Variants in CPZ observed in about 807,000 individuals in gnomAD.
CPZ encodes carboxypeptidase Z.
A neutral mutation model predicts 61.8 loss-of-function variants in CPZ; 103 were observed. The observed-to-expected ratio is 1.67, with a 90% CI of 1.42 to 1.96. The LOEUF (loss-of-function observed/expected upper bound fraction) is 1.96. CPZ is among the 30% of genes most tolerant of loss of function. The pLI is 0.00. For missense variants in CPZ, 1,461 were observed against 914.9 expected (o/e 1.60, Z -7.70); for synonymous variants, 551 against 373.7 (o/e 1.47, Z -5.47).
At chr4:8,612,211 GC>G in intron 8 of CPZ, 49 bp downstream of exon 8, 1 of 215,364 alleles carries the variant, frequency 4.6e-6, no homozygotes, top group Non-Finnish European at 8.4e-6. Context: ...GGGTGCAGGG[GC>G]TGGGTGGGGC....
chr4:8,595,277 T>G (rs906731224), intron 1 of CPZ, among the ~76,000 whole-genome samples: 1 of 152,228 alleles, frequency 6.6e-6, no homozygotes, highest in African/African-American at 2.4e-5. Context: ...CTGGAGACCA[T>G]GGCTTGAGAG....
chr4:8,610,890 C>G (rs936401010), intron 7 of CPZ, among the ~76,000 whole-genome samples: 7 of 152,158 alleles, frequency 4.6e-5, no homozygotes, highest in African/African-American at 1.7e-4. Flanking sequence ...CATTCCTCAC[C>G]AACCCCAAAC....
At chr4:8,602,489 T>C (rs1403749657) in intron 3 of CPZ, 1 of 152,266 alleles carries the variant, frequency 6.6e-6, no homozygotes. Context: ...CACATTCAAC[T>C]GTGCAGGGCA....
intron 9 of CPZ, among the ~76,000 whole-genome samples, chr4:8,617,173 G>A (rs568954739): frequency 1.1e-4 from 16 of 152,364 alleles, no homozygotes; most frequent in Non-Finnish European, 1.8e-4. Flanking sequence ...CGGTCACGGC[G>A]GGGGTCAGCC....
At chr4:8,611,335 G>A (rs1277320737) in intron 7 of CPZ, 1 of 449,806 alleles carries the variant, frequency 2.2e-6, no homozygotes, top group East Asian at 7.1e-5. Flanking sequence ...TCTGCCTGGG[G>A]GATGGGCACA....
chr4:8,601,591 A>G lies in CPZ; in HGVS notation c.496+94A>G, dbSNP rs1392062911. 5.4e-6 allele frequency: 7 copies of G among 1,290,530 alleles called. No individual in the cohort carries two copies. In the East Asian group the frequency reaches 1.1e-4, roughly 20 times the overall value. The allele number at this position is 1,290,530 out of a possible 1,614,324, so 79.9% of individuals were successfully genotyped here. ...CTGGAAGGAACTTGAGGGCTTTTCC[A>G]TCGACAGTGACGGTGCAGGCATTGG... On this transcript the variant is annotated intron_variant, in intron 3 of 10. Coordinates refer to ENST00000360986, the MANE Select transcript of CPZ (RefSeq NM_001014447.3).
chr4:8,593,546 G>T (rs1482876415), intron 1 of CPZ, among the ~76,000 whole-genome samples: 1 of 152,208 alleles, frequency 6.6e-6, no homozygotes, highest in Non-Finnish European at 1.5e-5. Flanking sequence ...CTGGGGGCTG[G>T]ATCCTGGGCT....
At chr4:8,618,072 A>AG (rs1716347362) in intron 9 of CPZ, 1 of 300,870 alleles carries the variant, frequency 3.3e-6, no homozygotes, top group Admixed American at 4.8e-5. Context: ...GGACCCAGGG[A>AG]GTCCCGCTGG....
At chr4:8,598,298 C>A (rs1016235089) in intron 1 of CPZ, among the ~76,000 whole-genome samples, 17 of 152,226 alleles carry the variant, frequency 1.1e-4, no homozygotes, top group Non-Finnish European at 1.8e-4. Flanking sequence ...GTGGGAGCTG[C>A]CTGGCCACAG....
intron 7 of CPZ, among the ~76,000 whole-genome samples, chr4:8,608,999 C>G (rs1393344333): frequency 9.9e-6 from 1 of 100,566 alleles, no homozygotes; most frequent in Non-Finnish European, 2.0e-5. Flanking sequence ...TTCACTCTTT[C>G]ACTTGTTCAT....
At chr4:8,617,582 C>A (rs887662854) in intron 9 of CPZ, among the ~76,000 whole-genome samples, 3 of 152,228 alleles carry the variant, frequency 2.0e-5, no homozygotes, top group African/African-American at 4.8e-5. Flanking sequence ...GGAGCAAGAT[C>A]ATTTTCATAG....
intron 9 of CPZ, among the ~76,000 whole-genome samples, chr4:8,614,700 C>G (rs1181020257): frequency 6.6e-6 from 1 of 152,154 alleles, no homozygotes; most frequent in African/African-American, 2.4e-5. Context: ...TCTGTGGGTG[C>G]TGGGGTGGCG....
At chr4:8,615,440 T>C (rs962183481) in intron 9 of CPZ, among the ~76,000 whole-genome samples, 2 of 152,124 alleles carry the variant, frequency 1.3e-5, no homozygotes, top group South Asian at 4.1e-4. Context: ...TTTTCAAGAA[T>C]CACATAAATT....
At chr4:8,613,276 C>G (rs1033914603) in intron 8 of CPZ, among the ~76,000 whole-genome samples, 2 of 152,102 alleles carry the variant, frequency 1.3e-5, no homozygotes, top group African/African-American at 4.8e-5. Context: ...GGATTACAGG[C>G]GCCCACCACC....
chr4:8,603,725 G>T, intron 3 of CPZ: 1 of 560,364 alleles, frequency 1.8e-6, no homozygotes. Context: ...GCTTCCCACA[G>T]TGGCCCCATA....
rs200993349 is a variant in CPZ at position 8,619,601 on chromosome 4, G to C, written c.1943G>C (p.Trp648Ser). Residue 648 changes from tryptophan to serine, a missense_variant, in exon 11 of 11, where the codon TGG becomes TCG. Trp to Ser is a radical substitution (Grantham distance 177, BLOSUM62 -3). Coordinates refer to ENST00000360986, the MANE Select transcript of CPZ (RefSeq NM_001014447.3). ...TCGCTGAGCACCCACAGGCCACGCT[G>C]GCTGCTCAAGTACTAGCCCCGGCCC... ...FTSLSTHRPR[W>S]LLKY is the part of the protein sequence containing the mutation. The C allele has an allele frequency of 5.3e-6, 8 of 1,506,412 alleles. No homozygotes were observed. Among genetic ancestry groups the C allele is most frequent in the African/African-American group, 2.8e-5 (2 of 71,364 alleles). 93.3% of individuals were successfully genotyped at this position (1,506,412 alleles called of 1,614,324 possible).
chr4:8,616,984 A>G (rs1261290714), intron 9 of CPZ, among the ~76,000 whole-genome samples: 1 of 152,110 alleles, frequency 6.6e-6, no homozygotes, highest in African/African-American at 2.4e-5. Flanking sequence ...TGGGTTCCCG[A>G]GATCCCTGTG....
At chr4:8,600,222 G>A (rs566755891) in intron 2 of CPZ, among the ~76,000 whole-genome samples, 56 of 152,110 alleles carry the variant, frequency 3.7e-4, no homozygotes, top group African/African-American at 1.3e-3. Flanking sequence ...AGTGATCCTC[G>A]CATCTCAGCC....
chr4:8,615,360 G>A (rs555849447), intron 9 of CPZ, among the ~76,000 whole-genome samples: 1 of 152,226 alleles, frequency 6.6e-6, no homozygotes, highest in Non-Finnish European at 1.5e-5. Context: ...GGGACCCCAA[G>A]AAGGGTCCAG....
Sources: gnomAD v4.1 joint callset for allele counts (sites outside exome capture counted in the v4.1 genomes callset) on GRCh38, gnomAD v4.1.1 for gene constraint, MANE v1.5 for transcripts, NCBI Gene and HGNC (gene_info 2026-07-23, HGNC 2026-07-21) for gene names.